STIL: variants seen among roughly 807,000 people sequenced by gnomAD.
STIL encodes STIL centriolar assembly protein.
In STIL, 55 loss-of-function variants were observed where a neutral mutation model predicts 110.1. That is an observed-to-expected ratio of 0.50 (90% confidence interval 0.40 to 0.63). STIL has a LOEUF of 0.63. STIL is among the 20% of genes least tolerant of loss of function. The pLI is 0.00. For missense variants in STIL, 1,358 were observed against 1,530.0 expected (o/e 0.89, Z 1.87); for synonymous variants, 481 against 530.0 (o/e 0.91, Z 1.27).
chr1:47,270,667 A>T (rs926653448), intron 13 of STIL, among the ~76,000 whole-genome samples: 4 of 123,976 alleles, frequency 3.2e-5, no homozygotes, highest in African/African-American at 1.1e-4. Context: ...AGTGTTTCCC[A>T]ATCTTTTTTT....
At chr1:47,285,385 C>T (rs1645267342) in intron 10 of STIL, among the ~76,000 whole-genome samples, 2 of 152,218 alleles carry the variant, frequency 1.3e-5, no homozygotes. Flanking sequence ...AAGCCAATTC[C>T]TTAAAACAAA....
chr1:47,262,812 C>T (rs777769889), intron 15 of STIL, 91 bp downstream of exon 15: 2 of 1,192,192 alleles, frequency 1.7e-6, no homozygotes, highest in East Asian at 4.7e-5. Flanking sequence ...ATCTTAAGGT[C>T]TCAATCAGTT....
At chr1:47,299,684 C>A (rs902495701) in intron 6 of STIL, 2 of 485,708 alleles carry the variant, frequency 4.1e-6, no homozygotes, top group Admixed American at 3.3e-5. Context: ...TGAGCCACTG[C>A]GCCAGGCCCT....
At position 47,273,793 on chromosome 1, in the gene STIL, T is replaced by A. The variant is rs116318308; in HGVS notation, c.2218-1552A>T. On this transcript the variant is annotated intron_variant, in intron 12 of 16. Transcript: ENST00000371877. ...AATGGTACTACTGTGCTCAATATAA[T>A]TTTAGTGGATTAACCTTATTAATAT... Among the ~76,000 whole-genome samples the A allele has an allele frequency of 5.8e-3, 882 of 152,310 alleles. 3 individuals are homozygous for A. Among genetic ancestry groups the A allele is most frequent in the Middle Eastern group, 0.02 (6 of 294 alleles).
intron 3 of STIL, among the ~76,000 whole-genome samples, chr1:47,303,326 A>G (rs1436460206): frequency 6.6e-6 from 1 of 152,192 alleles, no homozygotes; most frequent in African/African-American, 2.4e-5. Flanking sequence ...GCACTTTGGG[A>G]GGATGAGGCA....
intron 12 of STIL, among the ~76,000 whole-genome samples, chr1:47,274,545 T>C (rs1279874032): frequency 6.8e-6 from 1 of 146,176 alleles, no homozygotes; most frequent in African/African-American, 2.5e-5. Context: ...TCTCGATCTC[T>C]TGACCTCGTG....
chr1:47,289,027 A>C (rs976174374), intron 9 of STIL, among the ~76,000 whole-genome samples: 1 of 137,830 alleles, frequency 7.3e-6, no homozygotes, highest in Non-Finnish European at 1.5e-5. Flanking sequence ...ACGCCACTGC[A>C]CTCCAGCCTG....
chr1:47,304,403 C>T (rs991859276), intron 3 of STIL, among the ~76,000 whole-genome samples: 2 of 151,964 alleles, frequency 1.3e-5, no homozygotes, highest in African/African-American at 4.8e-5. Context: ...CAAGGCTCTC[C>T]CCGCCATAAT....
chr1:47,264,472 G>A (rs1040532446), intron 14 of STIL, among the ~76,000 whole-genome samples: 1 of 152,136 alleles, frequency 6.6e-6, no homozygotes, highest in Non-Finnish European at 1.5e-5. Flanking sequence ...TATGCCCAAA[G>A]CACAGCTTCT....
intron 8 of STIL, among the ~76,000 whole-genome samples, chr1:47,292,734 C>G (rs1330423961): frequency 6.6e-6 from 1 of 152,156 alleles, no homozygotes; most frequent in East Asian, 1.9e-4. Context: ...TATCACTTTA[C>G]AGTGATTGCC....
intron 14 of STIL, among the ~76,000 whole-genome samples, chr1:47,265,258 A>C (rs897674733): frequency 2.0e-5 from 3 of 150,758 alleles, no homozygotes; most frequent in African/African-American, 4.9e-5. Context: ...AAAAAAAAAA[A>C]AACACAAGAT....
chr1:47,275,990 G>T (rs1013318999), intron 12 of STIL, among the ~76,000 whole-genome samples: 2 of 135,002 alleles, frequency 1.5e-5, no homozygotes, highest in South Asian at 2.5e-4. Context: ...CCCAGAAAGA[G>T]AATGACTCAT....
In STIL at chr1:47,263,023, A is replaced by G; in HGVS notation, c.2709T>C (p.Thr903=). The G allele has an allele frequency of 6.2e-7, 1 of 1,614,176 alleles. No individual in the cohort carries two copies. The part of the protein sequence containing the change: ...LAESVSMCLQ[T]GPTGGASNNS... ...TGTTACTGGCACCCCCTGTTGGTCC[A>G]GTCTGTAAACACATGCTTACACTTT... Residue 903 remains threonine, a synonymous_variant, in exon 15 of 17, where the codon ACT becomes ACC. Coordinates refer to ENST00000371877, the MANE Select transcript of STIL (RefSeq NM_001048166.1).
At chr1:47,291,792 C>T (rs1645498294) in intron 8 of STIL, among the ~76,000 whole-genome samples, 1 of 152,100 alleles carries the variant, frequency 6.6e-6, no homozygotes, top group Admixed American at 6.6e-5. Flanking sequence ...TCTCTAATTC[C>T]TGGCCTCAAG....
intron 9 of STIL, among the ~76,000 whole-genome samples, chr1:47,288,571 C>T (rs1267161815): frequency 6.6e-6 from 1 of 151,580 alleles, no homozygotes; most frequent in African/African-American, 2.4e-5. Flanking sequence ...TGCTGGGATT[C>T]GAGGTGTGAG....
intron 2 of STIL, chr1:47,305,344 C>T (rs537073925): frequency 1.7e-4 from 38 of 221,802 alleles, no homozygotes; most frequent in African/African-American, 2.1e-4. Flanking sequence ...AAGCTGGTCT[C>T]GAACTCCTGA....
chr1:47,281,021 T>G lies in STIL; in HGVS notation c.1437A>C (p.Glu479Asp). 6.2e-7 allele frequency: 1 copy of G among 1,614,148 alleles called. No individual in the cohort carries two copies. Among genetic ancestry groups the G allele is most frequent in the Non-Finnish European group, 8.5e-7 (1 of 1,180,020 alleles). ...LYDEKHSPEV[E>D]AGEPSLRGIP... ...TTCCTCTCAAGGAAGGCTCTCCAGCTTCAACTTCTGGACTGTGTTTCTCAT... is the reference window on the plus strand; with the variant it reads ...TTCCTCTCAAGGAAGGCTCTCCAGCGTCAACTTCTGGACTGTGTTTCTCAT... The change falls in exon 12 of 17, where the codon GAA becomes GAC. Residue 479 changes from glutamate (E) to aspartate (D), a missense_variant. Physicochemically the swap from Glu to Asp is conservative, Grantham distance 45. Coordinates refer to ENST00000371877, the MANE Select transcript of STIL (RefSeq NM_001048166.1).
intron 12 of STIL, among the ~76,000 whole-genome samples, chr1:47,279,076 T>C (rs963163417): frequency 6.6e-6 from 1 of 151,968 alleles, no homozygotes; most frequent in Admixed American, 6.6e-5. Flanking sequence ...GGTGGGAGGA[T>C]CACAAGGTCA....
At chr1:47,266,529 G>A (rs868859322) in intron 14 of STIL, among the ~76,000 whole-genome samples, 3 of 152,104 alleles carry the variant, frequency 2.0e-5, no homozygotes, top group African/African-American at 7.2e-5. Context: ...ACCCAGCTAA[G>A]TTAAAATATT....
Sources: gnomAD v4.1 joint callset for allele counts (sites outside exome capture counted in the v4.1 genomes callset) on GRCh38, gnomAD v4.1.1 for gene constraint, MANE v1.5 for transcripts, NCBI Gene and HGNC (gene_info 2026-07-23, HGNC 2026-07-21) for gene names.